SPTBN5: variants seen among roughly 807,000 people sequenced by gnomAD.
SPTBN5 encodes the protein spectrin beta, non-erythrocytic 5, also known as spectrin beta chain, non-erythrocytic 5.
Under a neutral mutation model 477.6 loss-of-function variants are expected in SPTBN5, and 513 were observed. The ratio of observed to expected loss-of-function variants is 1.07; its 90% CI spans 1.00 to 1.16. The LOEUF is 1.16. SPTBN5 is among the 50% of genes most tolerant of loss of function. The probability of loss-of-function intolerance (pLI) is 0.00; values close to 1 mark genes in which losing one functional copy is unlikely to be tolerated. For missense variants in SPTBN5, 5,062 were observed against 4,731.8 expected (o/e 1.07, Z -2.05); for synonymous variants, 2,169 against 2,011.7 (o/e 1.08, Z -2.09).
intron 35 of SPTBN5, 127 bp downstream of exon 35, chr15:41,867,411 C>A: frequency 1.0e-6 from 1 of 971,272 alleles, no homozygotes. Context: ...CAACCCCAAC[C>A]AGGACCCCAG....
rs558672320 is a variant in SPTBN5, at chr15:41,867,025, C to T, written c.6414G>A (p.Ala2138=). The T allele has an allele frequency of 3.9e-5, 61 of 1,556,762 alleles. No homozygotes were observed. Among genetic ancestry groups the T allele is most frequent in the Middle Eastern group, 1.7e-4 (1 of 5,876 alleles). The change falls in exon 36 of 68, where the codon GCG becomes GCA. Residue 2138 remains alanine, a synonymous_variant. Transcript: ENST00000320955. ...CATGCAGGGCGTGTCCCCGGCTCTC[C>T]GCCAGCTCCTTCACTCTCATCCGGC... is the stretch of plus-strand genomic sequence containing the variant. The part of the protein sequence containing the change: ...LQRRMRVKEL[A]ESRGHALHAS...
Position 41,887,955 on chromosome 15 carries a change from C to G in SPTBN5, c.632G>C (p.Gly211Ala). The G allele has an allele frequency of 6.2e-7, 1 of 1,609,580 alleles. No individual in the cohort carries two copies. The highest frequency in any genetic ancestry group is 8.5e-7 in the Non-Finnish European group (1 of 1,178,268). The change falls in exon 5 of 68, where the codon GGC (glycine) becomes GCC (alanine). Residue 211 changes from glycine to alanine, a missense_variant. Gly to Ala is a moderately conservative substitution (Grantham distance 60, BLOSUM62 0). Coordinates refer to ENST00000320955, the MANE Select transcript of SPTBN5 (RefSeq NM_016642.4). The part of the protein sequence containing the change: ...DFSRSWSDGL[G>A]FNALIHAHRP... ...GTGGGCATGGATGAGGGCATTGAAG[C>G]CCAGCCCATCGCTCCAGCTTCGGGA...
intron 62 of SPTBN5, 70 bp downstream of exon 62, chr15:41,852,112 A>C (rs1483576676): frequency 4.0e-6 from 6 of 1,501,100 alleles, no homozygotes; most frequent in Non-Finnish European, 5.3e-6. Flanking sequence ...TCACCCCCAC[A>C]GCCCCAGCCC....
chr15:41,850,295 G>C (rs1437265280), intron 66 of SPTBN5: 1 of 336,724 alleles, frequency 3.0e-6, no homozygotes, highest in South Asian at 3.6e-5. Context: ...GGGAACCAGC[G>C]ACAGAGCTAG....
chr15:41,861,557 T>A (rs886282182), intron 45 of SPTBN5, 61 bp from the exon 46 acceptor site: 9 of 1,573,286 alleles, frequency 5.7e-6, no homozygotes, highest in African/African-American at 1.4e-5. Flanking sequence ...GCAGTTGGAG[T>A]GACTGTTCCA....
Position 41,852,769 on chromosome 15 carries a change from TGGG to T in SPTBN5, c.10348-37_10348-35del, listed in dbSNP as rs370153269. 15,389 of 1,276,000 alleles carry T rather than the reference TGGG, an allele frequency of 0.012. 1,350 individuals carry two copies. In the African/African-American group the frequency reaches 0.2, roughly 16 times the overall value. 79.0% of individuals were successfully genotyped at this position (1,276,000 alleles called of 1,614,324 possible). ...AAGCATGTTCAGGTGACGCCCAGCT[TGGG>T]GGGGGGGGCCCAGAGCCTGGTAGCC... is the stretch of plus-strand genomic sequence containing the variant. On this transcript the variant is annotated intron_variant, in intron 60 of 67. Coordinates refer to ENST00000320955, the MANE Select transcript of SPTBN5 (RefSeq NM_016642.4).
In SPTBN5 at chr15:41,892,997, AG is replaced by A; in HGVS notation, c.280del (p.Leu94TrpfsTer104). ...CAGGGCCTCCCCTGAGATGAGCTCC[AG>A]CAGCCGCAGGAGGTGGATGCCGTCA... ...LADGIHLLRL[L>X]ELISGEALPP... On this transcript the variant is annotated frameshift_variant, in exon 3 of 68. Transcript: ENST00000320955. LOFTEE classifies it high-confidence loss of function. 6.2e-7 allele frequency: 1 copy of A among 1,610,208 alleles called. No individual in the cohort carries two copies. Among genetic ancestry groups the A allele is most frequent in the Non-Finnish European group, 8.5e-7 (1 of 1,179,732 alleles).
chr15:41,850,952 G>A lies in SPTBN5; in HGVS notation c.10836-13C>T, dbSNP rs760120663. ...CCCACTGGTCAGCCTGGCACCCACA[G>A]TCACAGGTCAAACTCCACTGTCCCT... is the stretch of plus-strand genomic sequence containing the variant. On this transcript the variant is annotated splice_polypyrimidine_tract_variant and intron_variant, in intron 65 of 67. Transcript: ENST00000320955. 6.3e-5 allele frequency: 96 copies of A among 1,530,076 alleles called. No individual in the cohort carries two copies. The Admixed American group carries it at 6.5e-4, about 10-fold the overall frequency. The allele number at this position is 1,530,076 out of a possible 1,614,324, so 94.8% of individuals were successfully genotyped here. A position where few individuals can be genotyped will look rare whatever the true frequency, so the allele number is the denominator to read the frequency against.
intron 33 of SPTBN5, 41 bp downstream of exon 33, chr15:41,868,357 G>C (rs531495757): frequency 6.3e-7 from 1 of 1,581,206 alleles, no homozygotes; most frequent in Non-Finnish European, 8.6e-7. Context: ...CACAGGCTTG[G>C]TCAGCTAGGG....
At chr15:41,861,298 G>A in intron 46 of SPTBN5, 121 bp downstream of exon 46, 1 of 820,646 alleles carries the variant, frequency 1.2e-6, no homozygotes, top group Non-Finnish European at 2.1e-6. Flanking sequence ...GGCCCAGGGT[G>A]GGGAGATGGC....
intron 47 of SPTBN5, among the ~76,000 whole-genome samples, chr15:41,859,452 C>A (rs1238228484): frequency 6.6e-6 from 1 of 152,204 alleles, no homozygotes; most frequent in African/African-American, 2.4e-5. Context: ...AACTACTGCA[C>A]CCAGCCTGTA....
chr15:41,885,127 G>A (rs8028878), intron 7 of SPTBN5, among the ~76,000 whole-genome samples: 2,535 of 152,136 alleles, frequency 0.017, 71 homozygotes, highest in African/African-American at 0.058. Context: ...GGGTTCAAGC[G>A]ATTCTCCTGC....
intron 25 of SPTBN5, 88 bp from the exon 26 acceptor site, chr15:41,873,696 C>A: frequency 6.9e-7 from 1 of 1,450,816 alleles, no homozygotes; most frequent in Admixed American, 2.0e-5. Context: ...TCTCCAGCAT[C>A]AAAGGGGCTT....
intron 13 of SPTBN5, among the ~76,000 whole-genome samples, 200 bp downstream of exon 13, chr15:41,880,834 C>G (rs1484147310): frequency 6.6e-6 from 1 of 152,240 alleles, no homozygotes; most frequent in African/African-American, 2.4e-5. Flanking sequence ...CTTCCCTGAC[C>G]TCCAGCCTGA....
chr15:41,862,665 G>C lies in SPTBN5; in HGVS notation c.7264-5C>G, dbSNP rs537759129. The C allele has an allele frequency of 2.9e-5, 45 of 1,548,022 alleles. No individual in the cohort carries two copies. The highest frequency in any genetic ancestry group is 3.4e-5 in the Non-Finnish European group (39 of 1,150,608). On this transcript the variant is annotated splice_polypyrimidine_tract_variant and splice_region_variant and intron_variant, in intron 42 of 67. Coordinates refer to ENST00000320955, the MANE Select transcript of SPTBN5 (RefSeq NM_016642.4). ...GCCCACTTCACGCTCTAGGGACTGC[G>C]GGGGAAGCCGGGGTCAGAGGCTGGG...
rs762637455 is a variant in SPTBN5, at chr15:41,862,558, G to A, written c.7366C>T (p.Arg2456Trp). The change falls in exon 43 of 68, where the codon CGG (arginine) becomes TGG (tryptophan). Residue 2456 changes from arginine (R) to tryptophan (W), a missense_variant. Arg to Trp is a moderately radical substitution (Grantham distance 101, BLOSUM62 -3). Coordinates refer to ENST00000320955, the MANE Select transcript of SPTBN5 (RefSeq NM_016642.4). ...TCATACCGCTTCTGGGCCCTGCTCC[G>A]GAGCTGCCACCAGCTCTCAGCCACC... is the stretch of plus-strand genomic sequence containing the variant. ...QEVAESWWQL[R>W]SRAQKRREAL... 1.8e-5 allele frequency: 28 copies of A among 1,565,280 alleles called. No individual in the cohort carries two copies. The highest frequency in any genetic ancestry group is 5.9e-5 in the South Asian group (5 of 85,438).
Position 41,867,089 on chromosome 15 carries a change from CGCCGGAGCGTCTTCA to C in SPTBN5, c.6335_6349del (p.Leu2112_Arg2116del), listed in dbSNP as rs770368403. ...GGGAAGCCGGTCCCGCACCCGGGGG[CGCCGGAGCGTCTTCA>C]GCCGCTCACGCAGGGCTGCCTCCTG... On this transcript the variant is annotated inframe_deletion, in exon 36 of 68. Coordinates refer to ENST00000320955, the MANE Select transcript of SPTBN5 (RefSeq NM_016642.4). The C allele has an allele frequency of 5.2e-6, 8 of 1,544,758 alleles. No individual in the cohort carries two copies. In the South Asian group the frequency reaches 9.5e-5, roughly 18 times the overall value.
chr15:41,864,315 G>A (rs2066223909), intron 39 of SPTBN5, among the ~76,000 whole-genome samples: 1 of 152,196 alleles, frequency 6.6e-6, no homozygotes. Context: ...GTGGGCACAT[G>A]CTCACTAACA....
At position 41,860,650 on chromosome 15, in the gene SPTBN5, G is replaced by C; in HGVS notation, c.7924C>G (p.Leu2642Val). 1 of 1,550,772 alleles carries C rather than the reference G, an allele frequency of 6.4e-7. No homozygotes were observed. Among genetic ancestry groups the C allele is most frequent in the Non-Finnish European group, 8.7e-7 (1 of 1,147,854 alleles). Residue 2642 changes from leucine to valine, a missense_variant, in exon 47 of 68, where the codon CTG becomes GTG. By Grantham distance (32) the Leu-to-Val change is conservative. Transcript: ENST00000320955. Reference sequence around the variant, plus strand: ...GCCTCGGGGTGCCCACCCTGGTGCAGGCCGCGGGCCGTGGCCTCCAGAGCA... The same window carrying C: ...GCCTCGGGGTGCCCACCCTGGTGCACGCCGCGGGCCGTGGCCTCCAGAGCA... ...ISALEATARG[L>V]HQGGHPEAQS...
Sources: gnomAD v4.1 joint callset for allele counts (sites outside exome capture counted in the v4.1 genomes callset) on GRCh38, gnomAD v4.1.1 for gene constraint, MANE v1.5 for transcripts, NCBI Gene and HGNC (gene_info 2026-07-23, HGNC 2026-07-21) for gene names.